Variants in LCLAT1 observed in about 807,000 individuals in gnomAD.
LCLAT1 encodes 1-AGP acyltransferase 8.
A neutral mutation model predicts 30.7 loss-of-function variants in LCLAT1; 11 were observed. That is an observed-to-expected ratio of 0.36 (90% CI 0.23 to 0.59). The LOEUF (loss-of-function observed/expected upper bound fraction) is 0.59, where lower values mean the gene tolerates loss of function less well. Among genes scored for constraint, LCLAT1 ranks in the 20% least tolerant of loss-of-function variants. LCLAT1 has a pLI of 0.77. For synonymous variants in LCLAT1, 155 were observed against 151.3 expected (o/e 1.02, Z -0.18); for missense variants, 402 against 458.6 (o/e 0.88, Z 1.13).
chr2:30,623,793 G>T (rs181745917), intron 5 of LCLAT1, among the ~76,000 whole-genome samples: 1 of 152,110 alleles, frequency 6.6e-6, no homozygotes, highest in African/African-American at 2.4e-5. Flanking sequence ...AAAGATCATC[G>T]CCTAGGCACA....
At chr2:30,464,385 TG>T (rs1213533984) in intron 1 of LCLAT1, among the ~76,000 whole-genome samples, 3 of 152,180 alleles carry the variant, frequency 2.0e-5, no homozygotes, top group African/African-American at 7.2e-5. Context: ...TGAAATTGTG[TG>T]TCTGGAAAAA....
intron 1 of LCLAT1, among the ~76,000 whole-genome samples, chr2:30,524,339 G>A (rs563668569): frequency 1.9e-4 from 29 of 152,250 alleles, no homozygotes; most frequent in African/African-American, 6.7e-4. Flanking sequence ...TACCCAAGAT[G>A]TTATTTTCAG....
chr2:30,508,121 C>T lies in LCLAT1; in HGVS notation c.-4-17466C>T, dbSNP rs191958639. On this transcript the variant is annotated intron_variant, in intron 1 of 5. Coordinates refer to ENST00000379509, the MANE Select transcript of LCLAT1 (RefSeq NM_001002257.3). ...GAAAAGTGTCTGTTCATGTCTTTTG[C>T]GCACTTTTTAATGGGTTTTTCTCTT... Among the ~76,000 whole-genome samples, 604 of 152,156 alleles carry T rather than the reference C, an allele frequency of 4.0e-3. 3 individuals carry two copies. Among genetic ancestry groups the T allele is most frequent in the African/African-American group, 0.013 (556 of 41,530 alleles).
At chr2:30,501,745 C>T (rs1382199675) in intron 1 of LCLAT1, among the ~76,000 whole-genome samples, 4 of 152,150 alleles carry the variant, frequency 2.6e-5, no homozygotes, top group Non-Finnish European at 5.9e-5. Context: ...CCAGTCAAAT[C>T]ACTTGTTGGA....
chr2:30,522,524 A>G (rs1418398579), intron 1 of LCLAT1, among the ~76,000 whole-genome samples: 1 of 152,204 alleles, frequency 6.6e-6, no homozygotes, highest in Non-Finnish European at 1.5e-5. Context: ...TAAGGAAGAG[A>G]TGGAGAGACC....
rs148662488 is a variant in LCLAT1, at chr2:30,522,978, T to A, written c.-4-2609T>A. On this transcript the variant is annotated intron_variant, in intron 1 of 5. Coordinates refer to ENST00000379509, the MANE Select transcript of LCLAT1 (RefSeq NM_001002257.3). Reference sequence around the variant, plus strand: ...TTTATTATATGATAGCTAATTTATTTTTTTTCTGTTAATCACATCAAATCA... The same window carrying A: ...TTTATTATATGATAGCTAATTTATTATTTTTCTGTTAATCACATCAAATCA... 7.4e-4 allele frequency among the ~76,000 whole-genome samples: 112 copies of A among 152,274 alleles called. No individual in the cohort carries two copies. In the South Asian group the frequency reaches 9.7e-3, roughly 13 times the overall value.
At chr2:30,578,825 T>C (rs59450374) in intron 5 of LCLAT1, among the ~76,000 whole-genome samples, 6,027 of 152,238 alleles carry the variant, frequency 0.04, 410 homozygotes, top group African/African-American at 0.14. Context: ...ACACTTTTTT[T>C]CTAGCTTATA....
At chr2:30,479,271 C>T (rs1333964432) in intron 1 of LCLAT1, among the ~76,000 whole-genome samples, 1 of 151,578 alleles carries the variant, frequency 6.6e-6, no homozygotes, top group East Asian at 1.9e-4. Context: ...ATTCAGTCAT[C>T]CAGGCTGGAC....
At chr2:30,484,100 A>G (rs1572508266) in intron 1 of LCLAT1, among the ~76,000 whole-genome samples, 1 of 152,186 alleles carries the variant, frequency 6.6e-6, no homozygotes, top group South Asian at 2.1e-4. Flanking sequence ...TTAGTCTATT[A>G]CCCATGTTTA....
At chr2:30,610,304 C>G (rs1667674719) in intron 5 of LCLAT1, among the ~76,000 whole-genome samples, 1 of 152,078 alleles carries the variant, frequency 6.6e-6, no homozygotes, top group South Asian at 2.1e-4. Flanking sequence ...ATTGATGCCT[C>G]TGGCTTCTCA....
chr2:30,562,051 T>A (rs953125048), intron 3 of LCLAT1, 95 bp from the exon 4 acceptor site: 16 of 776,206 alleles, frequency 2.1e-5, no homozygotes, highest in Non-Finnish European at 2.9e-5. Flanking sequence ...ATAAATAATA[T>A]ATAGTAAAAC....
In LCLAT1 at chr2:30,579,664, C is replaced by A. The variant is rs200654015; in HGVS notation, c.628+11488C>A. 5.9e-5 allele frequency among the ~76,000 whole-genome samples: 9 copies of A among 152,154 alleles called. No homozygotes were observed. The East Asian group carries it at 1.4e-3, about 23-fold the overall frequency. ...GGAGAGTGTAGTCAGGGTTACTCAG[C>A]AGTGGAGACCAGCCTTTTTATGTGG... On this transcript the variant is annotated intron_variant, in intron 5 of 5. Transcript: ENST00000379509.
chr2:30,515,130 C>G (rs1174289619), intron 1 of LCLAT1, among the ~76,000 whole-genome samples: 1 of 152,152 alleles, frequency 6.6e-6, no homozygotes, highest in African/African-American at 2.4e-5. Flanking sequence ...TTCTGTGACT[C>G]TGTAGGTTAT....
chr2:30,493,891 T>C lies in LCLAT1; in HGVS notation c.-4-31696T>C, dbSNP rs1046438647. The stretch of plus-strand genomic sequence containing the variant: ...AGTTTTGACTGGGCGAAGTGGCTCA[T>C]GCCTATAACCCAACAATTTCAGAGG... On this transcript the variant is annotated intron_variant, in intron 1 of 5. Transcript: ENST00000379509. Among the ~76,000 whole-genome samples, 11 of 152,302 alleles carry C rather than the reference T, an allele frequency of 7.2e-5. 1 individual carries two copies. Among genetic ancestry groups the C allele is most frequent in the African/African-American group, 2.6e-4 (11 of 41,572 alleles).
intron 3 of LCLAT1, among the ~76,000 whole-genome samples, chr2:30,539,417 C>T (rs1011807469): frequency 2.0e-5 from 3 of 151,896 alleles, no homozygotes; most frequent in African/African-American, 7.3e-5. Context: ...CACAATGATG[C>T]CTGGCTAATT....
chr2:30,514,900 A>G (rs1366326902), intron 1 of LCLAT1, among the ~76,000 whole-genome samples: 1 of 152,152 alleles, frequency 6.6e-6, no homozygotes, highest in East Asian at 1.9e-4. Context: ...CACTTTTAAC[A>G]TTTATCCTAA....
intron 5 of LCLAT1, among the ~76,000 whole-genome samples, chr2:30,595,591 G>A (rs1666895714): frequency 6.6e-6 from 1 of 152,068 alleles, no homozygotes; most frequent in Non-Finnish European, 1.5e-5. Flanking sequence ...TTGAGCTTTT[G>A]CTGAACTTAA....
At chr2:30,472,447 A>T (rs553791031) in intron 1 of LCLAT1, among the ~76,000 whole-genome samples, 1 of 152,206 alleles carries the variant, frequency 6.6e-6, no homozygotes, top group Non-Finnish European at 1.5e-5. Flanking sequence ...GTTTATAAAC[A>T]TCAACCAGTT....
intron 5 of LCLAT1, among the ~76,000 whole-genome samples, chr2:30,583,053 C>CT (rs1666272357): frequency 6.6e-6 from 1 of 152,186 alleles, no homozygotes; most frequent in Non-Finnish European, 1.5e-5. Context: ...ATTTTATACT[C>CT]TAATTAGCTC....
Sources: gnomAD v4.1 joint callset for allele counts (sites outside exome capture counted in the v4.1 genomes callset) on GRCh38, gnomAD v4.1.1 for gene constraint, MANE v1.5 for transcripts, NCBI Gene and HGNC (gene_info 2026-07-23, HGNC 2026-07-21) for gene names.